CLK1: variants seen among roughly 807,000 people sequenced by gnomAD.
CLK1 encodes the protein CDC like kinase 1.
CLK1 carries 40 observed loss-of-function variants against 60.9 expected under a neutral mutation model. The observed-to-expected ratio is 0.66, with a 90% CI of 0.51 to 0.86. The LOEUF (loss-of-function observed/expected upper bound fraction) is 0.86. CLK1 is among the 40% of genes least tolerant of loss of function. CLK1 has a pLI of 0.00. For missense variants in CLK1, 563 were observed against 606.1 expected (o/e 0.93, Z 0.75); for synonymous variants, 203 against 184.4 (o/e 1.10, Z -0.82).
At chr2:200,857,132 C>A (rs531832239) in intron 7 of CLK1, 147 bp from the exon 8 acceptor site, 40 of 635,212 alleles carry the variant, frequency 6.3e-5, no homozygotes, top group African/African-American at 6.2e-4. Context: ...ATGGTGAAAC[C>A]CTGTCTCTAC....
intron 3 of CLK1, chr2:200,861,003 C>A (rs2039128188): frequency 1.5e-6 from 2 of 1,310,314 alleles, no homozygotes; most frequent in Non-Finnish European, 1.9e-6. Context: ...CAATTAACTC[C>A]CATCATTTCA....
intron 11 of CLK1, 194 bp from the exon 12 acceptor site, chr2:200,854,187 T>A: frequency 2.1e-6 from 1 of 482,744 alleles, no homozygotes; most frequent in Non-Finnish European, 3.6e-6. Flanking sequence ...GACTTCATTA[T>A]TTATAAAGTC....
Position 200,861,746 on chromosome 2 carries a change from C to G in CLK1, c.117G>C (p.Gln39His). 6.2e-7 allele frequency: 1 copy of G among 1,614,106 alleles called. No individual in the cohort carries two copies. Among genetic ancestry groups the G allele is most frequent in the Non-Finnish European group, 8.5e-7 (1 of 1,180,002 alleles). The change falls in exon 2 of 13, where the codon CAG (glutamine) becomes CAC (histidine). Residue 39 changes from glutamine to histidine, a missense_variant. Gln to His is a conservative substitution (Grantham distance 24, BLOSUM62 0). Transcript: ENST00000321356. Reference protein sequence around the residue: ...KRRKRSHSSAQENKRCKYNHS... With the variant: ...KRRKRSHSSAHENKRCKYNHS... ...GATTGTATTTGCAGCGCTTGTTCTC[C>G]TGGGCACTGCTATGTGATCTCTTCC... is the stretch of plus-strand genomic sequence containing the variant.
At chr2:200,854,122 T>C (rs1337232204) in intron 11 of CLK1, 129 bp from the exon 12 acceptor site, 2 of 584,900 alleles carry the variant, frequency 3.4e-6, no homozygotes, top group Non-Finnish European at 5.9e-6. Context: ...GGGATAGAAA[T>C]GTTACCTGCT....
At position 200,854,640 on chromosome 2, in the gene CLK1, G is replaced by A; in HGVS notation, c.1196C>T (p.Pro399Leu). 1 of 1,604,554 alleles carries A rather than the reference G, an allele frequency of 6.2e-7. No homozygotes were observed. Among genetic ancestry groups the A allele is most frequent in the South Asian group, 1.1e-5 (1 of 90,868 alleles). The change falls in exon 11 of 13, where the codon CCA becomes CTA. Residue 399 changes from proline (P) to leucine (L), a missense_variant. Physicochemically the swap from Pro to Leu is moderately conservative, Grantham distance 98 (BLOSUM62 -3). Coordinates refer to ENST00000321356, the MANE Select transcript of CLK1 (RefSeq NM_004071.4). Reference sequence around the variant, plus strand: ...CCTGGTTTTCTGTATCATATGTTTTGGTAGAGGTCCAAGAATCCTTTCCAT... The same window carrying A: ...CCTGGTTTTCTGTATCATATGTTTTAGTAGAGGTCCAAGAATCCTTTCCAT... ...AMMERILGPL[P>L]KHMIQKTRKR... is the part of the protein sequence containing the mutation.
intron 12 of CLK1, 63 bp downstream of exon 12, chr2:200,853,840 G>GTCTCAAAAGACAAACAGAAGAAAC: frequency 3.1e-6 from 4 of 1,307,056 alleles, no homozygotes. Context: ...GCAAGGCTCG[G>GTCTCAAAAGACAAACAGAAGAAAC]TCTCAAAAGA....
intron 9 of CLK1, among the ~76,000 whole-genome samples, chr2:200,856,138 T>C (rs1165549843): frequency 2.0e-5 from 3 of 151,182 alleles, no homozygotes. Context: ...AGTGGCGCAA[T>C]CTTGGCTCAC....
intron 6 of CLK1, 29 bp from the exon 7 acceptor site, chr2:200,857,913 T>C (rs1242994912): frequency 4.3e-6 from 7 of 1,612,062 alleles, no homozygotes; most frequent in East Asian, 2.2e-5. Flanking sequence ...TAGCTAAGTA[T>C]AGTTGCTCCT....
At chr2:200,858,154 TC>T in intron 5 of CLK1, 65 bp from the exon 6 acceptor site, 1 of 1,040,828 alleles carries the variant, frequency 9.6e-7, no homozygotes, top group Non-Finnish European at 1.5e-6. Context: ...GGTATTACTG[TC>T]TTCAAACTGT....
At chr2:200,854,550 A>G (rs2039008517) in intron 11 of CLK1, 66 bp downstream of exon 11, 5 of 1,035,056 alleles carry the variant, frequency 4.8e-6, no homozygotes, top group Non-Finnish European at 4.4e-6. Context: ...AAAAAAAAAA[A>G]ATTAAGTTCT....
rs1162964844 is a variant in CLK1, at chr2:200,853,138, G to C, written c.*168C>G. ...TCACTTTACAATTACTGAAAAAGAT[G>C]TTCATTACCTTAGCTATGTACTTAA... is the stretch of plus-strand genomic sequence containing the variant. On this transcript the variant is annotated 3_prime_UTR_variant, in exon 13 of 13. Transcript: ENST00000321356. 9 of 475,882 alleles carry C rather than the reference G, an allele frequency of 1.9e-5. No homozygotes were observed. In the East Asian group the frequency reaches 3.0e-4, roughly 16 times the overall value. The allele number at this position is 475,882 out of a possible 1,614,324, so 29.5% of individuals were successfully genotyped here.
In CLK1 at chr2:200,861,846, C is replaced by T. The variant is rs576787385; in HGVS notation, c.17G>A (p.Arg6Lys). The change falls in exon 2 of 13, where the codon AGA becomes AAA. Residue 6 changes from arginine (R) to lysine (K), a missense_variant. Arg to Lys is a conservative substitution (Grantham distance 26). Transcript: ENST00000321356. Reference protein sequence around the residue: MRHSKRTYCPDWDDKD... With the variant: MRHSKKTYCPDWDDKD... ...GTCATCCCAATCAGGACAGTAAGTT[C>T]TCTTTGAGTGTCTCATCTACATAAA... 10 of 1,614,020 alleles carry T rather than the reference C, an allele frequency of 6.2e-6. No individual in the cohort carries two copies. In the South Asian group the frequency reaches 7.7e-5, roughly 12 times the overall value.
intron 5 of CLK1, among the ~76,000 whole-genome samples, chr2:200,858,675 C>T (rs2039083207): frequency 1.3e-5 from 2 of 150,766 alleles, no homozygotes; most frequent in Middle Eastern, 3.2e-3. Context: ...CCAGCCTGGG[C>T]GACAGACCAA....
chr2:200,853,106 GAATA>G lies in CLK1; in HGVS notation c.*196_*199del, dbSNP rs1575073770. ...TTCATAAGCACAAAAAATTTATTCT[GAATA>G]AATCACTTTACAATTACTGAAAAAG... On this transcript the variant is annotated 3_prime_UTR_variant, in exon 13 of 13. Transcript: ENST00000321356. 7.0e-6 allele frequency: 3 copies of G among 425,930 alleles called. No homozygotes were observed. The East Asian group carries it at 1.1e-4, about 16-fold the overall frequency. 26.4% of individuals were successfully genotyped at this position (425,930 alleles called of 1,614,324 possible).
intron 9 of CLK1, 66 bp downstream of exon 9, chr2:200,856,616 C>G: frequency 7.0e-7 from 1 of 1,423,660 alleles, no homozygotes; most frequent in Non-Finnish European, 9.5e-7. Context: ...AGACCTAAAA[C>G]TGCTAAAAAA....
chr2:200,853,287 G>T lies in CLK1; in HGVS notation c.*19C>A. The T allele has an allele frequency of 6.3e-7, 1 of 1,583,856 alleles. No individual in the cohort carries two copies. Among genetic ancestry groups the T allele is most frequent in the Non-Finnish European group, 8.6e-7 (1 of 1,165,476 alleles). On this transcript the variant is annotated 3_prime_UTR_variant, in exon 13 of 13. Coordinates refer to ENST00000321356, the MANE Select transcript of CLK1 (RefSeq NM_004071.4). ...TACAGTCTGTAAGATCTCTTCGAGA[G>T]AGCTGTCCAATTACAGATCTATATA...
chr2:200,864,372 G>A (rs2039195470), intron 1 of CLK1, 192 bp downstream of exon 1: 2 of 1,118,098 alleles, frequency 1.8e-6, no homozygotes, highest in Non-Finnish European at 2.4e-6. Context: ...GGCCGGATCC[G>A]GCGGCGACAG....
chr2:200,854,808 T>C, intron 10 of CLK1, 113 bp from the exon 11 acceptor site: 1 of 853,072 alleles, frequency 1.2e-6, no homozygotes, highest in South Asian at 1.5e-5. Flanking sequence ...CGCCAATGAT[T>C]CCCTACATGG....
chr2:200,861,894 T>C (rs556666452), intron 1 of CLK1, 32 bp from the exon 2 acceptor site: 11 of 1,603,380 alleles, frequency 6.9e-6, no homozygotes, highest in African/African-American at 5.4e-5. Context: ...CCTAGTTAAA[T>C]TGTACCCCAC....
Sources: allele counts gnomAD v4.1 joint callset (sites outside exome capture counted in the v4.1 genomes callset), GRCh38; gene constraint gnomAD v4.1.1; transcripts MANE v1.5; gene names NCBI Gene and HGNC (gene_info 2026-07-23, HGNC 2026-07-21).